PRKAG2: variants seen among roughly 807,000 people sequenced by gnomAD.
PRKAG2 encodes the protein 5'-AMP-activated protein kinase subunit gamma-2.
In PRKAG2, 26 loss-of-function variants were observed where a neutral mutation model predicts 69.6. The ratio of observed to expected loss-of-function variants is 0.37; its 90% CI spans 0.27 to 0.52. The LOEUF is 0.52. PRKAG2 is among the 20% of genes least tolerant of loss of function. The probability of loss-of-function intolerance (pLI) is 0.90; values close to 1 mark genes in which losing one functional copy is unlikely to be tolerated. For synonymous variants in PRKAG2, 293 were observed against 285.0 expected, an observed-to-expected ratio of 1.03 and a Z score of -0.28; for missense variants, 557 against 740.0, an observed-to-expected ratio of 0.75 and a Z score of 2.87.
At chr7:151,721,059 T>C (rs1797009417) in intron 3 of PRKAG2, among the ~76,000 whole-genome samples, 1 of 59,230 alleles carries the variant, frequency 1.7e-5, no homozygotes, top group Admixed American at 2.4e-4. Flanking sequence ...TGGAGGGGCA[T>C]GAAGGGGGCA....
rs905803479 is a variant in PRKAG2 at position 151,841,197 on chromosome 7, T to C, written c.114+35310A>G. ...GAGACAGGGTTTCCCTATGTTGCCA[T>C]GGCTGGTCTCGGACTGCTGGGCTTA... On this transcript the variant is annotated intron_variant, in intron 1 of 15. Coordinates refer to ENST00000287878, the MANE Select transcript of PRKAG2 (RefSeq NM_016203.4). 2.4e-4 allele frequency among the ~76,000 whole-genome samples: 37 copies of C among 152,218 alleles called. 1 individual carries two copies. Among genetic ancestry groups the C allele is most frequent in the African/African-American group, 8.2e-4 (34 of 41,534 alleles).
chr7:151,654,033 A>ATCATAAT (rs1411408401), intron 4 of PRKAG2, among the ~76,000 whole-genome samples: 1 of 152,174 alleles, frequency 6.6e-6, no homozygotes, highest in African/African-American at 2.4e-5. Flanking sequence ...ATTATTTTAG[A>ATCATAAT]TGTTTTAAAT....
At chr7:151,754,498 G>A (rs538821547) in intron 3 of PRKAG2, among the ~76,000 whole-genome samples, 11 of 134,244 alleles carry the variant, frequency 8.2e-5, no homozygotes, top group South Asian at 7.0e-4. Flanking sequence ...CAGGGTGCCC[G>A]CGTTGGCTGG....
chr7:151,841,785 T>C (rs2079297919), intron 1 of PRKAG2, among the ~76,000 whole-genome samples: 2 of 147,296 alleles, frequency 1.4e-5, no homozygotes, highest in African/African-American at 5.1e-5. Flanking sequence ...GTGATGATGG[T>C]AGTGATAGTA....
Position 151,828,843 on chromosome 7 carries a change from T to C in PRKAG2, c.115-42302A>G, listed in dbSNP as rs2078963348. ...GAAGGATCACTTAAGCTCAGGAGTT[T>C]GAGGCTGCAGTGAGCTATGATCACA... On this transcript the variant is annotated intron_variant, in intron 1 of 15. Coordinates refer to ENST00000287878, the MANE Select transcript of PRKAG2 (RefSeq NM_016203.4). The surrounding 1 kb of genome is among the most constrained non-coding windows in gnomAD (Gnocchi z 4.6). Among the ~76,000 whole-genome samples the C allele has an allele frequency of 6.6e-6, 1 of 152,070 alleles. No homozygotes were observed. The highest frequency in any genetic ancestry group is 2.4e-5 in the African/African-American group (1 of 41,412).
rs968171818 is a variant in PRKAG2 at position 151,632,657 on chromosome 7, G to A, written c.685-519C>T. 1.2e-4 allele frequency: 113 copies of A among 959,866 alleles called. No homozygotes were observed. Among genetic ancestry groups the A allele is most frequent in the Admixed American group, 2.5e-4 (4 of 16,230 alleles). The allele number at this position is 959,866 out of a possible 1,614,324, so 59.5% of individuals were successfully genotyped here. A position where few individuals can be genotyped will look rare whatever the true frequency, so the allele number is the denominator to read the frequency against. ...GCGGGGAGGGGGAGAGGGGCTGGAG[G>A]CTGCAGAACGCCCCGGGGCGCCAGC... On this transcript the variant is annotated intron_variant, in intron 4 of 15. Transcript: ENST00000287878. This position sits in a 1 kb window ranked among gnomAD's most constrained non-coding sequence, Gnocchi z 4.2.
chr7:151,863,136 G>T (rs1485666443), intron 1 of PRKAG2, among the ~76,000 whole-genome samples: 6 of 150,782 alleles, frequency 4.0e-5, no homozygotes, highest in Admixed American at 4.0e-4. Context: ...GGGTACAGGG[G>T]GCACTGGTAG....
chr7:151,832,668 G>A (rs971755050), intron 1 of PRKAG2, among the ~76,000 whole-genome samples: 25 of 151,258 alleles, frequency 1.7e-4, no homozygotes, highest in East Asian at 7.9e-4. Context: ...GCAAAGGAAC[G>A]CAGGATCCAT....
Position 151,781,740 on chromosome 7 carries a change from G to A in PRKAG2, c.187-309C>T, listed in dbSNP as rs563551127. On this transcript the variant is annotated intron_variant, in intron 2 of 15. Transcript: ENST00000287878. The surrounding 1 kb of genome is among the most constrained non-coding windows in gnomAD (Gnocchi z 6.1). ...AAGGGAAGCGGAGCTCAAAATGAGC[G>A]TCTCCCTCCTTTATTATGGGCCTGC... is the stretch of plus-strand genomic sequence containing the variant. Among the ~76,000 whole-genome samples, 9 of 152,272 alleles carry A rather than the reference G, an allele frequency of 5.9e-5. No homozygotes were observed. The highest frequency in any genetic ancestry group is 1.9e-4 in the East Asian group (1 of 5,170).
At chr7:151,709,141 AC>A (rs1839116173) in intron 3 of PRKAG2, among the ~76,000 whole-genome samples, 1 of 152,106 alleles carries the variant, frequency 6.6e-6, no homozygotes, top group Non-Finnish European at 1.5e-5. Context: ...GTGACAATGA[AC>A]AATGTGTGAA....
chr7:151,585,360 T>C (rs1233848219), intron 6 of PRKAG2, among the ~76,000 whole-genome samples: 2 of 152,304 alleles, frequency 1.3e-5, no homozygotes, highest in Non-Finnish European at 2.9e-5. Context: ...CTGTGGAATA[T>C]GACAAGAGTA....
chr7:151,558,134 A>G (rs1350369455), intron 15 of PRKAG2: 2 of 985,300 alleles, frequency 2.0e-6, no homozygotes, highest in African/African-American at 3.5e-5. Context: ...ATGCACGCAC[A>G]CATGGGTTCA....
At chr7:151,575,659 TG>T (rs1340958916) in intron 7 of PRKAG2, among the ~76,000 whole-genome samples, 1 of 152,180 alleles carries the variant, frequency 6.6e-6, no homozygotes, top group African/African-American at 2.4e-5. Context: ...CAAAAAGGTG[TG>T]CACTAGCGAG....
chr7:151,741,697 T>C, intron 3 of PRKAG2, among the ~76,000 whole-genome samples: 1 of 151,690 alleles, frequency 6.6e-6, no homozygotes, highest in Non-Finnish European at 1.5e-5. Context: ...AAAAAGAACA[T>C]TTCAAAGTTT....
chr7:151,595,309 A>AT lies in PRKAG2; in HGVS notation c.864+35_864+36insA, dbSNP rs35348247. The AT allele has an allele frequency of 0.75, 1,146,242 of 1,537,102 alleles. 430,414 individuals carry two copies. Among genetic ancestry groups the AT allele is most frequent in the East Asian group, 0.99 (43,827 of 44,472 alleles). ...TGTATAAAGTAGTAGCCATCCAAAA[A>AT]ATACCAAAAAATTCATGAAAATGGA... is the stretch of plus-strand genomic sequence containing the variant. On this transcript the variant is annotated intron_variant, in intron 6 of 15. Coordinates refer to ENST00000287878, the MANE Select transcript of PRKAG2 (RefSeq NM_016203.4).
intron 1 of PRKAG2, among the ~76,000 whole-genome samples, chr7:151,851,903 G>A (rs1018129474): frequency 2.6e-5 from 4 of 152,084 alleles, no homozygotes; most frequent in African/African-American, 7.2e-5. Flanking sequence ...AGAGGGAGCC[G>A]GGGCTTCCTG....
chr7:151,690,592 C>T (rs569567149), intron 3 of PRKAG2, among the ~76,000 whole-genome samples: 1 of 152,344 alleles, frequency 6.6e-6, no homozygotes, highest in East Asian at 1.9e-4. Context: ...AATTGTACCA[C>T]ATCATACATG....
intron 3 of PRKAG2, among the ~76,000 whole-genome samples, chr7:151,750,980 T>C (rs548991650): frequency 2.2e-4 from 33 of 152,326 alleles, no homozygotes; most frequent in African/African-American, 7.2e-4. Flanking sequence ...TATGGATTAA[T>C]TCTACAATCT....
At chr7:151,773,015 AAGAAAGAAAGAG>A (rs1342410993) in intron 3 of PRKAG2, among the ~76,000 whole-genome samples, 7 of 18,906 alleles carry the variant, frequency 3.7e-4, no homozygotes, top group African/African-American at 2.5e-3. Flanking sequence ...GAAAGAAAGA[AAGAAAGAAAGAG>A]AGAGAGAGAG....
Sources: gnomAD v4.1 joint callset for allele counts (sites outside exome capture counted in the v4.1 genomes callset) on GRCh38, gnomAD v4.1.1 for gene constraint, Gnocchi (gnomAD v3.1) non-coding constraint, MANE v1.5 for transcripts, NCBI Gene and HGNC (gene_info 2026-07-23, HGNC 2026-07-21) for gene names.